TECPR2: variants seen among roughly 807,000 people sequenced by gnomAD.
TECPR2 encodes tectonin beta-propeller repeat containing 2, also known as tectonin beta-propeller repeat-containing protein 2.
TECPR2 carries 65 observed loss-of-function variants against 138.1 expected under a neutral mutation model. That is an observed-to-expected ratio of 0.47 (90% CI 0.39 to 0.58). TECPR2 has a LOEUF of 0.58. Ranked by LOEUF, TECPR2 falls within the 20% of genes least tolerant of loss-of-function variation. The pLI is 0.00. For missense variants in TECPR2, 1,553 were observed against 1,824.5 expected (o/e 0.85, Z 2.71); for synonymous variants, 746 against 749.8 (o/e 0.99, Z 0.08).
chr14:102,416,456 C>G (rs186085135), intron 5 of TECPR2, among the ~76,000 whole-genome samples: 1 of 152,254 alleles, frequency 6.6e-6, no homozygotes, highest in East Asian at 1.9e-4. Context: ...AACAATCTGG[C>G]CTTTTTATAT....
chr14:102,413,195 A>G (rs1328131106), intron 4 of TECPR2, among the ~76,000 whole-genome samples: 1 of 152,114 alleles, frequency 6.6e-6, no homozygotes, highest in African/African-American at 2.4e-5. Context: ...ATAGAATTGT[A>G]TACCCAAAAA....
chr14:102,437,122 G>GA (rs141189501), intron 9 of TECPR2: 29,439 of 985,460 alleles, frequency 0.03, 478 homozygotes, highest in Middle Eastern at 0.049. Flanking sequence ...GCTGGATTGA[G>GA]AAGAGTTGGG....
At chr14:102,477,959 AGT>A (rs1890804124) in intron 17 of TECPR2, among the ~76,000 whole-genome samples, 2 of 132,958 alleles carry the variant, frequency 1.5e-5, no homozygotes, top group African/African-American at 5.6e-5. Context: ...AAAAAAAAAG[AGT>A]TAGCCAGGAC....
At chr14:102,408,345 G>A (rs957384887) in intron 3 of TECPR2, 143 bp from the exon 4 acceptor site, 3 of 852,506 alleles carry the variant, frequency 3.5e-6, no homozygotes, top group African/African-American at 3.5e-5. Context: ...ATGGAACTTT[G>A]TGCAGGGTTC....
Position 102,496,981 on chromosome 14 carries a change from C to T in TECPR2, c.3792C>T (p.Pro1264=), listed in dbSNP as rs766197921. 1.5e-5 allele frequency: 25 copies of T among 1,613,518 alleles called. No homozygotes were observed. The highest frequency in any genetic ancestry group is 2.2e-5 in the South Asian group (2 of 91,028). Residue 1264 remains proline, a splice_region_variant and synonymous_variant, in exon 18 of 20, where the codon CCC becomes CCT. Coordinates refer to ENST00000359520, the MANE Select transcript of TECPR2 (RefSeq NM_014844.5). ...AWIMIEPPVQ[P]AGVSLVSVHS... is the part of the protein sequence containing the mutation. ...TGAAAGTCCCTTCCCGCTTCCAGCC[C>T]GCCGGGGTCAGCTTGGTCAGCGTCC...
Position 102,440,437 on chromosome 14 carries a change from A to T in TECPR2, c.2580A>T (p.Gly860=). ...AVQQVAVSPS[G]ALLWKIEQKS... is the part of the protein sequence containing the mutation. Reference sequence around the variant, plus strand: ...TGAATAGAATTTTTATTTCCATAGGAGCCCTTCTCTGGAAGATTGAACAGA... The same window carrying T: ...TGAATAGAATTTTTATTTCCATAGGTGCCCTTCTCTGGAAGATTGAACAGA... Residue 860 remains glycine (G), a splice_region_variant and synonymous_variant, in exon 11 of 20, where the codon GGA becomes GGT. Coordinates refer to ENST00000359520, the MANE Select transcript of TECPR2 (RefSeq NM_014844.5). 6.2e-7 allele frequency: 1 copy of T among 1,614,024 alleles called. No individual in the cohort carries two copies. Among genetic ancestry groups the T allele is most frequent in the East Asian group, 2.2e-5 (1 of 44,880 alleles).
intron 17 of TECPR2, among the ~76,000 whole-genome samples, chr14:102,488,339 A>AT (rs900234455): frequency 7.3e-5 from 10 of 136,346 alleles, no homozygotes; most frequent in South Asian, 2.3e-4. Flanking sequence ...TTTTAATTGA[A>AT]TTTTTTTTTA....
intron 16 of TECPR2, among the ~76,000 whole-genome samples, chr14:102,457,788 G>T (rs1373673811): frequency 6.6e-6 from 1 of 151,538 alleles, no homozygotes; most frequent in Admixed American, 6.6e-5. Context: ...CTGCATTTGA[G>T]GATGTTGTTC....
chr14:102,465,534 A>G, intron 17 of TECPR2: 2 of 1,213,262 alleles, frequency 1.6e-6, no homozygotes, highest in Non-Finnish European at 2.0e-6. Context: ...CTTTCAAAAT[A>G]ATAATATTTC....
At chr14:102,489,767 G>T (rs1364622705) in intron 17 of TECPR2, among the ~76,000 whole-genome samples, 1 of 151,148 alleles carries the variant, frequency 6.6e-6, no homozygotes, top group African/African-American at 2.4e-5. Context: ...CTCTCTGACA[G>T]CCCCTGAGTG....
At chr14:102,459,541 A>C (rs1238657080) in intron 16 of TECPR2, among the ~76,000 whole-genome samples, 2 of 152,112 alleles carry the variant, frequency 1.3e-5, no homozygotes, top group East Asian at 3.9e-4. Flanking sequence ...GCACTTTGAG[A>C]GGCCAAGGTG....
intron 17 of TECPR2, among the ~76,000 whole-genome samples, chr14:102,471,424 T>C (rs1399990776): frequency 6.6e-6 from 1 of 152,000 alleles, no homozygotes; most frequent in African/African-American, 2.4e-5. Context: ...TAATTTGAAT[T>C]GGCTGGGCAC....
intron 2 of TECPR2, among the ~76,000 whole-genome samples, chr14:102,393,814 C>T (rs1159515925): frequency 6.6e-6 from 1 of 152,184 alleles, no homozygotes; most frequent in African/African-American, 2.4e-5. Context: ...CCCGCCTCGG[C>T]CTCCCAAAGT....
chr14:102,486,158 T>C (rs984271524), intron 17 of TECPR2, among the ~76,000 whole-genome samples: 2 of 152,152 alleles, frequency 1.3e-5, no homozygotes, highest in African/African-American at 2.4e-5. Flanking sequence ...CTGGAGTCAG[T>C]GCAGAAGGAC....
In TECPR2 at chr14:102,434,666, G is replaced by A; in HGVS notation, c.1849G>A (p.Glu617Lys). The change falls in exon 9 of 20, where the codon GAA becomes AAA. Residue 617 changes from glutamate to lysine, a missense_variant. Transcript: ENST00000359520. ...AAATAGCACACAGTTACCCTTCCAA[G>A]AACAGGACAGCTCTCCTGGGGCGCA... ...GPNSTQLPFQEQDSSPGAHDG... is the reference protein window; with the variant it reads ...GPNSTQLPFQKQDSSPGAHDG... 1.9e-6 allele frequency: 3 copies of A among 1,609,676 alleles called. No individual in the cohort carries two copies. Among genetic ancestry groups the A allele is most frequent in the Non-Finnish European group, 2.5e-6 (3 of 1,176,930 alleles).
At chr14:102,432,815 C>T (rs985289645) in intron 8 of TECPR2, among the ~76,000 whole-genome samples, 4 of 151,992 alleles carry the variant, frequency 2.6e-5, no homozygotes, top group African/African-American at 7.2e-5. Context: ...ACCATCCTGG[C>T]CAACATGGTG....
At chr14:102,381,163 G>T (rs776040281) in intron 2 of TECPR2, among the ~76,000 whole-genome samples, 3 of 152,060 alleles carry the variant, frequency 2.0e-5, no homozygotes, top group Non-Finnish European at 4.4e-5. Context: ...GTTTCACCAT[G>T]TTGTCCAGGC....
At chr14:102,364,348 C>G (rs1887282797) in intron 1 of TECPR2, among the ~76,000 whole-genome samples, 1 of 152,190 alleles carries the variant, frequency 6.6e-6, no homozygotes. Context: ...TTGTTGTTAA[C>G]CTGACTTACG....
chr14:102,396,922 C>T (rs1407545148), intron 2 of TECPR2, among the ~76,000 whole-genome samples: 1 of 152,120 alleles, frequency 6.6e-6, no homozygotes, highest in Non-Finnish European at 1.5e-5. Flanking sequence ...GTCGTTACAC[C>T]TCCTCATTAT....
Sources: allele counts gnomAD v4.1 joint callset (sites outside exome capture counted in the v4.1 genomes callset), GRCh38; gene constraint gnomAD v4.1.1; transcripts MANE v1.5; gene names NCBI Gene and HGNC (gene_info 2026-07-23, HGNC 2026-07-21).